SLC39A11: variants seen among roughly 807,000 people sequenced by gnomAD.
SLC39A11 encodes zinc transporter ZIP11.
In SLC39A11, 33 loss-of-function variants were observed where a neutral mutation model predicts 36.1. The observed-to-expected ratio is 0.91, with a 90% CI of 0.69 to 1.22. The LOEUF (loss-of-function observed/expected upper bound fraction) is 1.22. Ranked by LOEUF, SLC39A11 falls within the 50% of genes most tolerant of loss-of-function variation. SLC39A11 has a pLI of 0.00. For missense variants in SLC39A11, 432 were observed against 430.3 expected, an observed-to-expected ratio of 1.00 and a Z score of -0.03; for synonymous variants, 166 against 170.3, an observed-to-expected ratio of 0.97 and a Z score of 0.20.
intron 6 of SLC39A11, among the ~76,000 whole-genome samples, chr17:72,812,231 A>G (rs193143993): frequency 1.7e-4 from 26 of 152,326 alleles, no homozygotes; most frequent in African/African-American, 5.5e-4. Flanking sequence ...TTCGGAGGGA[A>G]GACAAGCATC....
chr17:72,752,123 A>C (rs560357871), intron 6 of SLC39A11, among the ~76,000 whole-genome samples: 1 of 152,200 alleles, frequency 6.6e-6, no homozygotes, highest in Admixed American at 6.5e-5. Flanking sequence ...CTCCTACGGG[A>C]TGTGTGGGTG....
chr17:73,082,470 ATTTT>A (rs879610893), intron 3 of SLC39A11, among the ~76,000 whole-genome samples: 10 of 151,804 alleles, frequency 6.6e-5, no homozygotes, highest in Admixed American at 6.6e-5. Flanking sequence ...TTTTTATTTG[ATTTT>A]TTTCTTTTTT....
chr17:72,687,132 T>C (rs2071792158), intron 7 of SLC39A11, among the ~76,000 whole-genome samples: 1 of 151,932 alleles, frequency 6.6e-6, no homozygotes, highest in Non-Finnish European at 1.5e-5. Flanking sequence ...GCTCAAGCCA[T>C]CTTCCCACTT....
intron 3 of SLC39A11, among the ~76,000 whole-genome samples, chr17:73,082,116 T>TAA (rs1462631665): frequency 0.079 from 6,304 of 79,958 alleles, 445 homozygotes; most frequent in African/African-American, 0.16. Context: ...CTACTGAAAC[T>TAA]AAAAAAAAAG....
chr17:72,916,438 T>C (rs576026940), intron 5 of SLC39A11, among the ~76,000 whole-genome samples: 5 of 150,272 alleles, frequency 3.3e-5, no homozygotes, highest in East Asian at 1.9e-4. Flanking sequence ...TCAAAGTCCA[T>C]TGCACGCGGT....
intron 4 of SLC39A11, among the ~76,000 whole-genome samples, chr17:72,962,876 G>T (rs1167798856): frequency 6.6e-6 from 1 of 152,142 alleles, no homozygotes; most frequent in Non-Finnish European, 1.5e-5. Context: ...TCTACGGGGA[G>T]TCAGCTCCAT....
At chr17:72,947,054 C>G (rs1157307478) in intron 5 of SLC39A11, among the ~76,000 whole-genome samples, 1 of 152,246 alleles carries the variant, frequency 6.6e-6, no homozygotes, top group East Asian at 1.9e-4. Flanking sequence ...GGTGCAGTGG[C>G]TCATGCCTGT....
In SLC39A11 at chr17:72,685,152, A is replaced by T. The variant is rs1289388388; in HGVS notation, c.672-35884T>A. Among the ~76,000 whole-genome samples, 7 of 141,132 alleles carry T rather than the reference A, an allele frequency of 5.0e-5. No homozygotes were observed. The East Asian group carries it at 1.4e-3, about 29-fold the overall frequency. 92.6% of individuals were successfully genotyped at this position (141,132 alleles called of 152,430 possible). Reference sequence around the variant, plus strand: ...TTGGGTGCCGGGGACACAGGGGTGAATGAGACAGGGCCAGGCTCTTAGGAA... The same window carrying T: ...TTGGGTGCCGGGGACACAGGGGTGATTGAGACAGGGCCAGGCTCTTAGGAA... On this transcript the variant is annotated intron_variant, in intron 7 of 9. Transcript: ENST00000255559.
chr17:72,865,593 G>A (rs140966813), intron 5 of SLC39A11, among the ~76,000 whole-genome samples: 8 of 151,504 alleles, frequency 5.3e-5, no homozygotes, highest in Non-Finnish European at 7.4e-5. Context: ...AAAAAAATAC[G>A]CTCCCATGAT....
At position 72,837,701 on chromosome 17, in the gene SLC39A11, T is replaced by C. The variant is rs1287074098; in HGVS notation, c.601+11933A>G. 3 of 205,282 alleles carry C rather than the reference T, an allele frequency of 1.5e-5. No individual in the cohort carries two copies. The Admixed American group carries it at 1.8e-4, about 12-fold the overall frequency. 12.7% of individuals were successfully genotyped at this position (205,282 alleles called of 1,614,324 possible). On this transcript the variant is annotated intron_variant, in intron 6 of 9. Coordinates refer to ENST00000255559, the MANE Select transcript of SLC39A11 (RefSeq NM_139177.4). Reference sequence around the variant, plus strand: ...GGTGTATCCATAGAATAGAGTATTATCTGGCCAGAAAAAGAAAGACTTACT... The same window carrying C: ...GGTGTATCCATAGAATAGAGTATTACCTGGCCAGAAAAAGAAAGACTTACT...
At chr17:72,788,383 T>C (rs1289554023) in intron 6 of SLC39A11, among the ~76,000 whole-genome samples, 1 of 152,226 alleles carries the variant, frequency 6.6e-6, no homozygotes, top group East Asian at 1.9e-4. Flanking sequence ...GAGAATGACA[T>C]GACATTAGCA....
At chr17:72,908,818 C>T (rs1278502256) in intron 5 of SLC39A11, among the ~76,000 whole-genome samples, 2 of 152,190 alleles carry the variant, frequency 1.3e-5, no homozygotes, top group African/African-American at 4.8e-5. Context: ...AACTGCCCCA[C>T]GCTGACGCAT....
intron 3 of SLC39A11, chr17:73,068,333 T>A (rs1398982203): frequency 3.6e-6 from 2 of 561,992 alleles, no homozygotes; most frequent in African/African-American, 3.8e-5. Context: ...TTAGCCACTA[T>A]GTTTCAGGTC....
chr17:72,934,743 G>C (rs941061944), intron 5 of SLC39A11, among the ~76,000 whole-genome samples: 1 of 152,160 alleles, frequency 6.6e-6, no homozygotes, highest in African/African-American at 2.4e-5. Context: ...TGACACCAAA[G>C]AAGATGTACA....
rs943171682 is a variant in SLC39A11 at position 72,800,732 on chromosome 17, G to A, written c.601+48902C>T. ...GGTTGTGGGTAAACTAAGGAGAGAG[G>A]CAGAGAGCGATGGCTCAAAAGGAAG... On this transcript the variant is annotated intron_variant, in intron 6 of 9. Transcript: ENST00000255559. Among the ~76,000 whole-genome samples the A allele has an allele frequency of 1.8e-4, 28 of 152,278 alleles. 1 individual carries two copies. Among genetic ancestry groups the A allele is most frequent in the Middle Eastern group, 3.4e-3 (1 of 294 alleles).
Position 73,047,979 on chromosome 17 carries a change from A to AT in SLC39A11, c.148-16266_148-16265insA, listed in dbSNP as rs1477086037. 1.4e-3 allele frequency among the ~76,000 whole-genome samples: 76 copies of AT among 55,648 alleles called. 1 individual carries two copies. The highest frequency in any genetic ancestry group is 4.5e-3 in the African/African-American group (75 of 16,622). 36.5% of individuals were successfully genotyped at this position (55,648 alleles called of 152,430 possible). ...AAGACTCCATCTCAAAAAAAAAAAA[A>AT]AAAAAAAAAAAATATATATATATAT... On this transcript the variant is annotated intron_variant, in intron 3 of 9. Coordinates refer to ENST00000255559, the MANE Select transcript of SLC39A11 (RefSeq NM_139177.4).
chr17:72,739,528 G>A (rs1016145837), intron 6 of SLC39A11, among the ~76,000 whole-genome samples: 28 of 152,182 alleles, frequency 1.8e-4, no homozygotes, highest in African/African-American at 6.5e-4. Flanking sequence ...CAGAGGTGGA[G>A]GAAACTGCAG....
At chr17:73,034,772 T>A (rs931584431) in intron 3 of SLC39A11, among the ~76,000 whole-genome samples, 2 of 152,158 alleles carry the variant, frequency 1.3e-5, no homozygotes, top group Admixed American at 1.3e-4. Flanking sequence ...TTTCCTTCCA[T>A]CCCTCTGCAT....
At chr17:73,002,174 C>T (rs921834039) in intron 4 of SLC39A11, among the ~76,000 whole-genome samples, 21 of 151,970 alleles carry the variant, frequency 1.4e-4, no homozygotes, top group African/African-American at 4.6e-4. Flanking sequence ...AACAATGACC[C>T]GCCATTGCCT....
Sources: gnomAD v4.1 joint callset for allele counts (sites outside exome capture counted in the v4.1 genomes callset) on GRCh38, gnomAD v4.1.1 for gene constraint, MANE v1.5 for transcripts, NCBI Gene and HGNC (gene_info 2026-07-23, HGNC 2026-07-21) for gene names.